The following BZW2 variants were observed in gnomAD, a reference collection of about 807,000 sequenced individuals.
BZW2 encodes eIF5-mimic protein 1.
Under a neutral mutation model 53.2 loss-of-function variants are expected in BZW2, and 23 were observed. The ratio of observed to expected loss-of-function variants is 0.43; its 90% CI spans 0.31 to 0.61. The LOEUF is 0.61. Among genes scored for constraint, BZW2 ranks in the 20% least tolerant of loss-of-function variants. BZW2 has a pLI of 0.09. For synonymous variants in BZW2, 227 were observed against 186.4 expected, an observed-to-expected ratio of 1.22 and a Z score of -1.77; for missense variants, 409 against 503.1, an observed-to-expected ratio of 0.81 and a Z score of 1.79.
At chr7:16,656,551 G>A (rs1018978431) in intron 1 of BZW2, among the ~76,000 whole-genome samples, 17 of 112,316 alleles carry the variant, frequency 1.5e-4, no homozygotes, top group South Asian at 2.9e-4. Context: ...CCCAGCGCGC[G>A]CGCGCACACA....
At chr7:16,650,579 T>C (rs1454717961) in intron 1 of BZW2, among the ~76,000 whole-genome samples, 4 of 152,230 alleles carry the variant, frequency 2.6e-5, no homozygotes, top group Non-Finnish European at 5.9e-5. Context: ...TTTTTTAAAC[T>C]GATTTTTTGA....
chr7:16,669,407 C>A (rs1032616582), intron 2 of BZW2, among the ~76,000 whole-genome samples: 5 of 152,190 alleles, frequency 3.3e-5, no homozygotes, highest in African/African-American at 1.2e-4. Flanking sequence ...GGATTACAGG[C>A]GTGAGCCACC....
At chr7:16,646,747 C>T (rs960676616) in intron 1 of BZW2, among the ~76,000 whole-genome samples, 3 of 152,210 alleles carry the variant, frequency 2.0e-5, no homozygotes, top group Non-Finnish European at 4.4e-5. Context: ...TCGCCCTCCC[C>T]ACTACTTGTC....
At chr7:16,649,863 G>C (rs1338088314) in intron 1 of BZW2, among the ~76,000 whole-genome samples, 1 of 152,096 alleles carries the variant, frequency 6.6e-6, no homozygotes, top group Non-Finnish European at 1.5e-5. Flanking sequence ...ATATAAATGA[G>C]ATAAAATTGA....
chr7:16,705,841 T>TATGC (rs1308363325), intron 11 of BZW2, among the ~76,000 whole-genome samples: 2 of 151,800 alleles, frequency 1.3e-5, no homozygotes, highest in East Asian at 3.9e-4. Context: ...TTTGTATATG[T>TATGC]ATGCATGTTG....
chr7:16,676,823 C>G (rs1192603335), intron 3 of BZW2, among the ~76,000 whole-genome samples: 1 of 152,100 alleles, frequency 6.6e-6, no homozygotes, highest in Non-Finnish European at 1.5e-5. Context: ...ACTGAGTGAC[C>G]TCTAGGCAGC....
chr7:16,688,507 A>C (rs1468028730), intron 6 of BZW2: 1 of 152,236 alleles, frequency 6.6e-6, no homozygotes, highest in Non-Finnish European at 1.5e-5. Context: ...AGGTCACTAA[A>C]TTAATCATCA....
At chr7:16,653,803 G>A (rs528261600) in intron 1 of BZW2, among the ~76,000 whole-genome samples, 3 of 152,284 alleles carry the variant, frequency 2.0e-5, no homozygotes, top group African/African-American at 7.2e-5. Flanking sequence ...TCATCTCCAT[G>A]GAGTGGGGCT....
intron 1 of BZW2, among the ~76,000 whole-genome samples, chr7:16,664,067 T>A (rs1458830657): frequency 6.6e-6 from 1 of 152,226 alleles, no homozygotes; most frequent in African/African-American, 2.4e-5. Flanking sequence ...AACCAAGTAC[T>A]TTACATTCTT....
chr7:16,687,903 G>A (rs1232223750), intron 6 of BZW2, among the ~76,000 whole-genome samples: 1 of 152,070 alleles, frequency 6.6e-6, no homozygotes, highest in African/African-American at 2.4e-5. Flanking sequence ...TTACAGCCTA[G>A]TGTTAATTTA....
chr7:16,687,078 A>G (rs1783149906), intron 6 of BZW2: 1 of 152,236 alleles, frequency 6.6e-6, no homozygotes, highest in Non-Finnish European at 1.5e-5. Context: ...AACATAACAG[A>G]AAATAATTGC....
chr7:16,686,527 A>C (rs73679835), intron 6 of BZW2: 15,236 of 158,934 alleles, frequency 0.096, 2,132 homozygotes, highest in African/African-American at 0.32. Flanking sequence ...CATTAGAAGG[A>C]GTCTTGTTTT....
chr7:16,673,436 T>C (rs535654421), intron 2 of BZW2, among the ~76,000 whole-genome samples: 5 of 152,222 alleles, frequency 3.3e-5, no homozygotes, highest in Non-Finnish European at 7.3e-5. Context: ...GTAAATTGAA[T>C]GCAGTGGATA....
chr7:16,647,007 T>C (rs1781885267), intron 1 of BZW2, among the ~76,000 whole-genome samples: 1 of 152,116 alleles, frequency 6.6e-6, no homozygotes, highest in South Asian at 2.1e-4. Context: ...AAATTGGTGT[T>C]GCTGCCTATA....
intron 2 of BZW2, among the ~76,000 whole-genome samples, chr7:16,672,829 C>G (rs1782646552): frequency 6.6e-6 from 1 of 152,194 alleles, no homozygotes; most frequent in Non-Finnish European, 1.5e-5. Context: ...CTTTCCAAAC[C>G]CAAACTTCCA....
chr7:16,647,120 C>A (rs1050773886), intron 1 of BZW2, among the ~76,000 whole-genome samples: 1 of 152,116 alleles, frequency 6.6e-6, no homozygotes, highest in Admixed American at 6.5e-5. Context: ...GTGTGTATTT[C>A]AGAATAAGAT....
chr7:16,676,576 A>C (rs752293199), intron 3 of BZW2, among the ~76,000 whole-genome samples: 2 of 140,500 alleles, frequency 1.4e-5, no homozygotes, highest in African/African-American at 2.8e-5. Context: ...ATTTACATAC[A>C]CCTTTAACAA....
chr7:16,664,269 T>G (rs1450746322), intron 1 of BZW2, among the ~76,000 whole-genome samples: 1 of 152,232 alleles, frequency 6.6e-6, no homozygotes, highest in Non-Finnish European at 1.5e-5. Context: ...GTTACACTCA[T>G]GGAGGGTATA....
At chr7:16,653,030 A>C (rs1310741274) in intron 1 of BZW2, among the ~76,000 whole-genome samples, 1 of 108,686 alleles carries the variant, frequency 9.2e-6, no homozygotes, top group Non-Finnish European at 1.9e-5. Flanking sequence ...TATGGAAAGT[A>C]ACTTTGTGTG....
Sources: allele counts gnomAD v4.1 joint callset (sites outside exome capture counted in the v4.1 genomes callset), GRCh38; gene constraint gnomAD v4.1.1; transcripts MANE v1.5; gene names NCBI Gene and HGNC (gene_info 2026-07-23, HGNC 2026-07-21).